PIM3: variants seen among roughly 807,000 people sequenced by gnomAD.
PIM3 encodes the protein Pim-3 proto-oncogene, serine/threonine kinase, also known as serine/threonine-protein kinase pim-3.
In PIM3, 13 loss-of-function variants were observed where a neutral mutation model predicts 27.5. That is an observed-to-expected ratio of 0.47 (90% CI 0.31 to 0.75). The LOEUF (loss-of-function observed/expected upper bound fraction) is 0.75. Among genes scored for constraint, PIM3 ranks in the 30% least tolerant of loss-of-function variants. PIM3 has a pLI of 0.05. For synonymous variants in PIM3, 341 were observed against 221.1 expected, an observed-to-expected ratio of 1.54 and a Z score of -4.81; for missense variants, 482 against 476.9, an observed-to-expected ratio of 1.01 and a Z score of -0.10.
chr22:49,962,829 C>G lies in PIM3; in HGVS notation c.757C>G (p.Arg253Gly). 6.2e-7 allele frequency: 1 copy of G among 1,611,500 alleles called. No homozygotes were observed. Among genetic ancestry groups the G allele is most frequent in the Non-Finnish European group, 8.5e-7 (1 of 1,179,866 alleles). ...CTTCGAGCAGGACGAGGAGATCCTC[C>G]GAGGCCGCCTGCTCTTCCGGAGGAG... Reference protein sequence around the residue: ...IPFEQDEEILRGRLLFRRRVS... With the variant: ...IPFEQDEEILGGRLLFRRRVS... Residue 253 changes from arginine to glycine, a missense_variant, in exon 5 of 6, where the codon CGA becomes GGA. By Grantham distance (125) the Arg-to-Gly change is moderately radical. Transcript: ENST00000360612.
chr22:49,961,270 C>G (rs2060905453), intron 2 of PIM3, 36 bp downstream of exon 2: 23 of 1,538,846 alleles, frequency 1.5e-5, no homozygotes, highest in Non-Finnish European at 2.0e-5. Flanking sequence ...GGGTTTCTCG[C>G]GCGCCTTGCG....
At position 49,961,776 on chromosome 22, in the gene PIM3, C is replaced by T; in HGVS notation, c.581C>T (p.Ala194Val). Residue 194 changes from alanine to valine, a missense_variant, in exon 4 of 6, where the codon GCG becomes GTG. By Grantham distance (64) the Ala-to-Val change is moderately conservative. Transcript: ENST00000360612. ...AAGCTCATCGACTTCGGTTCGGGTG[C>T]GCTGCTCAAGGACACGGTCTACACC... Reference protein sequence around the residue: ...ELKLIDFGSGALLKDTVYTDF... With the variant: ...ELKLIDFGSGVLLKDTVYTDF... 2 of 1,612,134 alleles carry T rather than the reference C, an allele frequency of 1.2e-6. No individual in the cohort carries two copies. The highest frequency in any genetic ancestry group is 2.2e-5 in the East Asian group (1 of 44,788).
rs773767514 is a variant in PIM3, at chr22:49,963,149, C to T, written c.*22C>T. 30 of 1,556,236 alleles carry T rather than the reference C, an allele frequency of 1.9e-5. No individual in the cohort carries two copies. The South Asian group carries it at 3.3e-4, about 17-fold the overall frequency. ...GTGAGGAGCTGCACCTGACTGGGAGCTAGGGGACCACCTGCCTTGGCCAGA... is the reference window on the plus strand; with the variant it reads ...GTGAGGAGCTGCACCTGACTGGGAGTTAGGGGACCACCTGCCTTGGCCAGA... On this transcript the variant is annotated 3_prime_UTR_variant, in exon 6 of 6. Coordinates refer to ENST00000360612, the MANE Select transcript of PIM3 (RefSeq NM_001001852.4).
Position 49,961,506 on chromosome 22 carries a change from G to T in PIM3, c.311G>T (p.Arg104Leu), listed in dbSNP as rs1364002455. The T allele has an allele frequency of 5.9e-5, 88 of 1,500,032 alleles. No individual in the cohort carries two copies. Among genetic ancestry groups the T allele is most frequent in the Non-Finnish European group, 7.6e-5 (86 of 1,128,230 alleles). 92.9% of individuals were successfully genotyped at this position (1,500,032 alleles called of 1,614,324 possible). A position where few individuals can be genotyped will look rare whatever the true frequency, so the allele number is the denominator to read the frequency against. The change falls in exon 4 of 6, where the codon CGC becomes CTC. Residue 104 changes from arginine to leucine, a missense_variant. By Grantham distance (102) the Arg-to-Leu change is moderately radical. Coordinates refer to ENST00000360612, the MANE Select transcript of PIM3 (RefSeq NM_001001852.4). ...LRKVGAAGGA[R>L]GVIRLLDWFE... ...AAGGTGGGCGCGGCGGGCGGCGCGC[G>T]CGGCGTCATCCGCCTGCTGGACTGG...
Position 49,961,508 on chromosome 22 carries a change from G to C in PIM3, c.313G>C (p.Gly105Arg). 6.7e-7 allele frequency: 1 copy of C among 1,500,898 alleles called. No homozygotes were observed. The highest frequency in any genetic ancestry group is 1.5e-5 in the African/African-American group (1 of 68,132). The allele number at this position is 1,500,898 out of a possible 1,614,324, so 93.0% of individuals were successfully genotyped here. A position where few individuals can be genotyped will look rare whatever the true frequency, so the allele number is the denominator to read the frequency against. ...RKVGAAGGAR[G>R]VIRLLDWFER... ...GGTGGGCGCGGCGGGCGGCGCGCGCGGCGTCATCCGCCTGCTGGACTGGTT... is the reference window on the plus strand; with the variant it reads ...GGTGGGCGCGGCGGGCGGCGCGCGCCGCGTCATCCGCCTGCTGGACTGGTT... The change falls in exon 4 of 6, where the codon GGC becomes CGC. Residue 105 changes from glycine to arginine, a missense_variant. Coordinates refer to ENST00000360612, the MANE Select transcript of PIM3 (RefSeq NM_001001852.4).
chr22:49,963,233 C>G lies in PIM3; in HGVS notation c.*106C>G. The G allele has an allele frequency of 4.6e-6, 6 of 1,290,720 alleles. No individual in the cohort carries two copies. The highest frequency in any genetic ancestry group is 5.2e-6 in the Non-Finnish European group (5 of 965,182). The allele number at this position is 1,290,720 out of a possible 1,614,324, so 80.0% of individuals were successfully genotyped here. ...CGTGGGCCGTCTCCTCCTGCGGAAG[C>G]AGTGACCTCTGACCCCTGGTGACCT... is the stretch of plus-strand genomic sequence containing the variant. On this transcript the variant is annotated 3_prime_UTR_variant, in exon 6 of 6. Coordinates refer to ENST00000360612, the MANE Select transcript of PIM3 (RefSeq NM_001001852.4).
rs200639371 is a variant in PIM3, at chr22:49,962,876, G to A, written c.793+11G>A. The A allele has an allele frequency of 3.1e-6, 5 of 1,604,108 alleles. No individual in the cohort carries two copies. On this transcript the variant is annotated intron_variant, in intron 5 of 5. Coordinates refer to ENST00000360612, the MANE Select transcript of PIM3 (RefSeq NM_001001852.4). ...GGAGGGTCTCTCCAGGTGCGTGGTG[G>A]CTCGAGGCGGGGGTGGGGGCCTCGC...
Position 49,963,031 on chromosome 22 carries a change from G to A in PIM3, c.885G>A (p.Gly295=). Residue 295 remains glycine (G), a synonymous_variant, in exon 6 of 6, where the codon GGG becomes GGA. Transcript: ENST00000360612. The part of the protein sequence containing the change: ...DQIAAHPWML[G]ADGGVPESCD... The stretch of plus-strand genomic sequence containing the variant: ...TTGCGGCCCATCCCTGGATGCTGGG[G>A]GCTGACGGGGGCGTCCCGGAGAGCT... 1 of 1,612,214 alleles carries A rather than the reference G, an allele frequency of 6.2e-7. No individual in the cohort carries two copies. Among genetic ancestry groups the A allele is most frequent in the Non-Finnish European group, 8.5e-7 (1 of 1,179,786 alleles).
rs2060906696 is a variant in PIM3, at chr22:49,961,439, C to T, written c.247-3C>T. The T allele has an allele frequency of 7.0e-7, 1 of 1,430,652 alleles. No homozygotes were observed. Among genetic ancestry groups the T allele is most frequent in the Non-Finnish European group, 9.1e-7 (1 of 1,097,702 alleles). 88.6% of individuals were successfully genotyped at this position (1,430,652 alleles called of 1,614,324 possible). ...GGCTTTTGCTGACCGCCGTGTCCCC[C>T]AGGGCGGCGCGACCGTGCCCCTGGA... On this transcript the variant is annotated splice_region_variant and splice_polypyrimidine_tract_variant and intron_variant, in intron 3 of 5. Transcript: ENST00000360612.
rs1466495675 is a variant in PIM3 at position 49,962,957 on chromosome 22, C to T, written c.811C>T (p.Arg271Trp). Residue 271 changes from arginine (R) to tryptophan (W), a missense_variant, in exon 6 of 6, where the codon CGG becomes TGG. Arg to Trp is a moderately radical substitution (Grantham distance 101). Transcript: ENST00000360612. The stretch of plus-strand genomic sequence containing the variant: ...CCGCACAGAGTGCCAGCAGCTGATC[C>T]GGTGGTGCCTGTCCCTGCGGCCCTC... ...RVSPECQQLI[R>W]WCLSLRPSER... is the part of the protein sequence containing the mutation. The T allele has an allele frequency of 1.9e-6, 3 of 1,606,608 alleles. No homozygotes were observed. The highest frequency in any genetic ancestry group is 1.3e-5 in the African/African-American group (1 of 74,914).
rs1426736048 is a variant in PIM3 at position 49,962,363 on chromosome 22, C to A, written c.617-326C>A. 4.9e-5 allele frequency among the ~76,000 whole-genome samples: 7 copies of A among 142,432 alleles called. No individual in the cohort carries two copies. In the Middle Eastern group the frequency reaches 0.022, roughly 449 times the overall value. 93.4% of individuals were successfully genotyped at this position (142,432 alleles called of 152,430 possible). A position where few individuals can be genotyped will look rare whatever the true frequency, so the allele number is the denominator to read the frequency against. ...CCTCCCTCTCTCCCCTCCCCCCGTT[C>A]CCGCAGGCAGGCGCGCCGGGCGGTA... On this transcript the variant is annotated intron_variant, in intron 4 of 5. Coordinates refer to ENST00000360612, the MANE Select transcript of PIM3 (RefSeq NM_001001852.4).
rs1017301646 is a variant in PIM3 at position 49,960,796 on chromosome 22, CGTCTACGCG to C, written c.-148_-140del. Reference sequence around the variant, plus strand: ...CGGGTGAGGCGCTCCGCCTGCTGCGCGTCTACGCGGTCCCCGCGGGCCTTCCGGGCCCAC... The same window carrying C: ...CGGGTGAGGCGCTCCGCCTGCTGCGCGTCCCCGCGGGCCTTCCGGGCCCAC... On this transcript the variant is annotated 5_prime_UTR_variant, in exon 1 of 6. Transcript: ENST00000360612. The C allele has an allele frequency of 1.8e-3, 551 of 313,618 alleles. 3 individuals carry two copies. Among genetic ancestry groups the C allele is most frequent in the African/African-American group, 0.011 (488 of 44,172 alleles). The allele number at this position is 313,618 out of a possible 1,614,324, so 19.4% of individuals were successfully genotyped here.
rs370100106 is a variant in PIM3 at position 49,962,675 on chromosome 22, C to A, written c.617-14C>A. Reference sequence around the variant, plus strand: ...GCCTCTGTGGTGGGCGTGCTAAGCCCTGTGTCCCCTTAGGCACCCGAGTGT... The same window carrying A: ...GCCTCTGTGGTGGGCGTGCTAAGCCATGTGTCCCCTTAGGCACCCGAGTGT... On this transcript the variant is annotated splice_polypyrimidine_tract_variant and intron_variant, in intron 4 of 5. Transcript: ENST00000360612. 3.1e-6 allele frequency: 5 copies of A among 1,605,116 alleles called. No individual in the cohort carries two copies. The African/African-American group carries it at 5.3e-5, about 17-fold the overall frequency.
chr22:49,962,108 A>AC (rs2060910615), intron 4 of PIM3, among the ~76,000 whole-genome samples: 1 of 150,932 alleles, frequency 6.6e-6, no homozygotes, highest in Non-Finnish European at 1.5e-5. Flanking sequence ...GGCCCGAGAG[A>AC]CCCCCGGCTG....
At chr22:49,961,847 G>C in intron 4 of PIM3, 36 bp downstream of exon 4, 1 of 1,605,554 alleles carries the variant, frequency 6.2e-7, no homozygotes, top group Non-Finnish European at 8.5e-7. Context: ...CGTTCCGGGG[G>C]CCTTGCCGGC....
intron 4 of PIM3, among the ~76,000 whole-genome samples, chr22:49,962,179 C>T (rs925131374): frequency 1.3e-5 from 2 of 151,876 alleles, no homozygotes; most frequent in East Asian, 2.0e-4. Context: ...GGGTCTGCGC[C>T]GGGAGCCTGG....
At chr22:49,962,292 GCGGAGCTTGGGGAAGC>G (rs2060911597) in intron 4 of PIM3, among the ~76,000 whole-genome samples, 1 of 151,674 alleles carries the variant, frequency 6.6e-6, no homozygotes, top group Admixed American at 6.5e-5. Context: ...TCCCCGCATT[GCGGAGCTTGGGGAAGC>G]CGGGGCTCCC....
intron 3 of PIM3, 32 bp downstream of exon 3, chr22:49,961,400 G>C (rs1280901505): frequency 4.2e-6 from 6 of 1,428,180 alleles, no homozygotes; most frequent in Non-Finnish European, 4.6e-6. Flanking sequence ...GGCGGCGGCG[G>C]GGGGCGGGCG....
In PIM3 at chr22:49,961,143, G is replaced by T; in HGVS notation, c.104G>T (p.Ser35Ile). ...ILQPAKADKE[S>I]FEKAYQVGAV... ...CCTGCAGCCAAGGCGGACAAGGAGAGCTTCGAGAAGGCGTACCAGGTGGGC... is the reference window on the plus strand; with the variant it reads ...CCTGCAGCCAAGGCGGACAAGGAGATCTTCGAGAAGGCGTACCAGGTGGGC... The change falls in exon 2 of 6, where the codon AGC (serine) becomes ATC (isoleucine). Residue 35 changes from serine to isoleucine, a missense_variant. Ser to Ile is a moderately radical substitution (Grantham distance 142). Coordinates refer to ENST00000360612, the MANE Select transcript of PIM3 (RefSeq NM_001001852.4). 2.0e-6 allele frequency: 3 copies of T among 1,517,252 alleles called. No individual in the cohort carries two copies. Among genetic ancestry groups the T allele is most frequent in the African/African-American group, 1.4e-5 (1 of 69,572 alleles). The allele number at this position is 1,517,252 out of a possible 1,614,324, so 94.0% of individuals were successfully genotyped here.
Sources: allele counts gnomAD v4.1 joint callset (sites outside exome capture counted in the v4.1 genomes callset), GRCh38; gene constraint gnomAD v4.1.1; transcripts MANE v1.5; gene names NCBI Gene and HGNC (gene_info 2026-07-23, HGNC 2026-07-21).